Variants in FLNB observed in about 807,000 individuals in gnomAD.
FLNB encodes the protein filamin B, also known as filamin-B.
FLNB carries 111 observed loss-of-function variants against 250.6 expected under a neutral mutation model. The observed-to-expected ratio is 0.44, with a 90% CI of 0.38 to 0.52. The LOEUF is 0.52. Among genes scored for constraint, FLNB ranks in the 20% least tolerant of loss-of-function variants. The pLI is 0.00. For synonymous variants in FLNB, 1,302 were observed against 1,372.1 expected (o/e 0.95, Z 1.13); for missense variants, 2,869 against 3,447.8 (o/e 0.83, Z 4.20).
intron 43 of FLNB, 32 bp downstream of exon 43, chr3:58,163,362 A>G (rs757271931): frequency 1.7e-5 from 28 of 1,608,460 alleles, no homozygotes; most frequent in Non-Finnish European, 2.2e-5. Context: ...TGAAGCCTTA[A>G]CTGAACCAGC....
intron 38 of FLNB, among the ~76,000 whole-genome samples, 154 bp from the exon 39 acceptor site, chr3:58,153,221 G>A (rs1351350365): frequency 6.6e-6 from 1 of 152,216 alleles, no homozygotes; most frequent in Non-Finnish European, 1.5e-5. Flanking sequence ...CCACAGAAGG[G>A]CAGGCACCCA....
rs112387332 is a variant in FLNB at position 58,093,462 on chromosome 3, G to T, written c.788-1374G>T. 3.5e-3 allele frequency among the ~76,000 whole-genome samples: 539 copies of T among 152,204 alleles called. 1 individual carries two copies. The highest frequency in any genetic ancestry group is 0.011 in the African/African-American group (476 of 41,530). On this transcript the variant is annotated intron_variant, in intron 4 of 45. Coordinates refer to ENST00000295956, the MANE Select transcript of FLNB (RefSeq NM_001457.4). ...AGTTCTAAGCTTCTGATCATGACTTGGTCTTTCTGTTGATTAGCCACATCT... is the reference window on the plus strand; with the variant it reads ...AGTTCTAAGCTTCTGATCATGACTTTGTCTTTCTGTTGATTAGCCACATCT...
intron 1 of FLNB, among the ~76,000 whole-genome samples, chr3:58,068,363 C>T (rs1297842966): frequency 2.0e-5 from 3 of 152,186 alleles, no homozygotes; most frequent in Non-Finnish European, 4.4e-5. Context: ...CTTCATCCTA[C>T]CCAGGGGCCT....
chr3:58,090,772 A>G (rs181427530), intron 4 of FLNB, among the ~76,000 whole-genome samples: 2 of 152,286 alleles, frequency 1.3e-5, no homozygotes, highest in Non-Finnish European at 2.9e-5. Context: ...CTCGTTCACT[A>G]TTAGAAAATC....
intron 27 of FLNB, 119 bp downstream of exon 27, chr3:58,134,891 T>G (rs1398813425): frequency 1.0e-6 from 1 of 963,536 alleles, no homozygotes; most frequent in East Asian, 2.4e-5. Flanking sequence ...TTTGTTAGAT[T>G]TTCCCACCAA....
At position 58,169,713 on chromosome 3, in the gene FLNB, A is replaced by G. The variant is rs769756873; in HGVS notation, c.7541A>G (p.Lys2514Arg). 4.3e-6 allele frequency: 7 copies of G among 1,612,500 alleles called. No individual in the cohort carries two copies. Among genetic ancestry groups the G allele is most frequent in the Non-Finnish European group, 5.9e-6 (7 of 1,178,990 alleles). ...CCCAAGGCATCCTCGGACGCCAGCA[A>G]GGTGACCTCTAAGGGGGCAGGGCTC... ...AIPKASSDAS[K>R]VTSKGAGLSK... is the part of the protein sequence containing the mutation. The change falls in exon 45 of 46, where the codon AAG becomes AGG. Residue 2514 changes from lysine (K) to arginine (R), a missense_variant. By Grantham distance (26) the Lys-to-Arg change is conservative. Coordinates refer to ENST00000295956, the MANE Select transcript of FLNB (RefSeq NM_001457.4). This position sits in a 1 kb window ranked among gnomAD's most constrained non-coding sequence, Gnocchi z 4.8.
chr3:58,050,737 T>C (rs1259671100), intron 1 of FLNB, among the ~76,000 whole-genome samples: 6 of 152,342 alleles, frequency 3.9e-5, no homozygotes, highest in Middle Eastern at 3.4e-3. Context: ...AGTCTCCAGA[T>C]TGGTGCACTG....
Position 58,096,135 on chromosome 3 carries a change from T to C in FLNB, c.907-6T>C. 1 of 1,612,532 alleles carries C rather than the reference T, an allele frequency of 6.2e-7. No individual in the cohort carries two copies. Among genetic ancestry groups the C allele is most frequent in the Non-Finnish European group, 8.5e-7 (1 of 1,178,792 alleles). ...TTTTCTAACTGTTGCCCACCTTCCC[T>C]CCTAGGCACAAGTGACCCCTGACAG... is the stretch of plus-strand genomic sequence containing the variant. On this transcript the variant is annotated splice_region_variant and splice_polypyrimidine_tract_variant and intron_variant, in intron 5 of 45. Coordinates refer to ENST00000295956, the MANE Select transcript of FLNB (RefSeq NM_001457.4).
At chr3:58,026,266 A>G (rs2097123500) in intron 1 of FLNB, among the ~76,000 whole-genome samples, 2 of 152,122 alleles carry the variant, frequency 1.3e-5, no homozygotes, top group South Asian at 2.1e-4. Flanking sequence ...AACCTGGAGT[A>G]AAGGGTGGCT....
rs140902045 is a variant in FLNB at position 58,042,797 on chromosome 3, C to T, written c.292+33941C>T. 2.5e-3 allele frequency among the ~76,000 whole-genome samples: 386 copies of T among 152,250 alleles called. 1 individual carries two copies. The highest frequency in any genetic ancestry group is 4.1e-3 in the Non-Finnish European group (282 of 68,026). On this transcript the variant is annotated intron_variant, in intron 1 of 45. Coordinates refer to ENST00000295956, the MANE Select transcript of FLNB (RefSeq NM_001457.4). ...GCCTCCAGCCATGAGCCGTTCGTTG[C>T]GCCTGGGCTAGTCATTATAGATTTA...
At chr3:58,114,239 G>A (rs558839133) in intron 18 of FLNB, among the ~76,000 whole-genome samples, 2 of 152,250 alleles carry the variant, frequency 1.3e-5, no homozygotes, top group African/African-American at 2.4e-5. Context: ...CCGAGTAGCT[G>A]GAAGTACAGG....
At chr3:58,112,608 G>A (rs1478619540) in intron 18 of FLNB, among the ~76,000 whole-genome samples, 2 of 152,138 alleles carry the variant, frequency 1.3e-5, no homozygotes, top group Non-Finnish European at 2.9e-5. Context: ...TGATATTCAG[G>A]CCCTAATATC....
intron 4 of FLNB, 43 bp from the exon 5 acceptor site, chr3:58,094,793 A>G: frequency 1.3e-6 from 2 of 1,530,146 alleles, no homozygotes; most frequent in South Asian, 1.1e-5. Flanking sequence ...CTCATGACAC[A>G]CCCTCGCCTG....
rs146025192 is a variant in FLNB at position 58,125,441 on chromosome 3, G to A, written c.3899-140G>A. On this transcript the variant is annotated intron_variant, in intron 22 of 45. Transcript: ENST00000295956. ...AGCCACTGCCCCCAGCCACATTACT[G>A]TGTTTTTAACCCCCTTTTCCAAATA... The A allele has an allele frequency of 5.0e-3, 5,041 of 1,015,476 alleles. 27 individuals are homozygous for A. The highest frequency in any genetic ancestry group is 6.0e-3 in the Non-Finnish European group (4,011 of 667,462). The allele number at this position is 1,015,476 out of a possible 1,614,324, so 62.9% of individuals were successfully genotyped here.
chr3:58,021,495 C>T (rs999750203), intron 1 of FLNB, among the ~76,000 whole-genome samples: 4 of 152,086 alleles, frequency 2.6e-5, no homozygotes, highest in African/African-American at 9.7e-5. Context: ...CTGAGTGAGG[C>T]GCCTTGGCAG....
In FLNB at chr3:58,130,840, A is replaced by G; in HGVS notation, c.4322A>G (p.Gln1441Arg). ...TCAGGCGTCCGAGCCCGTGTCCTGC[A>G]GTCCTTCACGGTGGACAGCAGCAAG... Reference protein sequence around the residue: ...LGSGVRARVLQSFTVDSSKAG... With the variant: ...LGSGVRARVLRSFTVDSSKAG... The change falls in exon 25 of 46, where the codon CAG becomes CGG. Residue 1441 changes from glutamine (Q) to arginine (R), a missense_variant. Coordinates refer to ENST00000295956, the MANE Select transcript of FLNB (RefSeq NM_001457.4). The G allele has an allele frequency of 6.2e-7, 1 of 1,613,472 alleles. No individual in the cohort carries two copies. Among genetic ancestry groups the G allele is most frequent in the South Asian group, 1.1e-5 (1 of 90,884 alleles).
intron 9 of FLNB, among the ~76,000 whole-genome samples, chr3:58,102,609 T>C (rs2097252939): frequency 6.6e-6 from 1 of 152,196 alleles, no homozygotes; most frequent in East Asian, 1.9e-4. Flanking sequence ...GTTGGGGAAA[T>C]GCTGCTGTTG....
intron 1 of FLNB, among the ~76,000 whole-genome samples, chr3:58,062,705 A>G (rs1166934118): frequency 1.3e-5 from 2 of 152,218 alleles, no homozygotes; most frequent in Non-Finnish European, 2.9e-5. Context: ...CTCACCGAGC[A>G]AGAAACATCT....
rs1433180721 is a variant in FLNB, at chr3:58,130,900, G to A, written c.4382G>A (p.Gly1461Asp). ...GLAPLEVRVL[G>D]PRGLVEPVNV... is the part of the protein sequence containing the mutation. ...GCTCCGCTGGAAGTGAGGGTTCTGG[G>A]CCCACGAGGTAAGTGTGCACCCTGC... Residue 1461 changes from glycine to aspartate, a missense_variant, in exon 25 of 46, where the codon GGC becomes GAC. By Grantham distance (94) the Gly-to-Asp change is moderately conservative. Transcript: ENST00000295956. 1 of 1,610,958 alleles carries A rather than the reference G, an allele frequency of 6.2e-7. No homozygotes were observed. Among genetic ancestry groups the A allele is most frequent in the Non-Finnish European group, 8.5e-7 (1 of 1,179,038 alleles).
Sources: gnomAD v4.1 joint callset for allele counts (sites outside exome capture counted in the v4.1 genomes callset) on GRCh38, gnomAD v4.1.1 for gene constraint, Gnocchi (gnomAD v3.1) non-coding constraint, MANE v1.5 for transcripts, NCBI Gene and HGNC (gene_info 2026-07-23, HGNC 2026-07-21) for gene names.